Variants in STRBP observed in about 807,000 individuals in gnomAD.
STRBP encodes the protein spermatid perinuclear RNA binding protein.
Under a neutral mutation model 80.1 loss-of-function variants are expected in STRBP, and 13 were observed. That is an observed-to-expected ratio of 0.16 (90% confidence interval 0.11 to 0.26). The LOEUF (loss-of-function observed/expected upper bound fraction) is 0.26. Ranked by LOEUF, STRBP falls within the 10% of genes least tolerant of loss-of-function variation. STRBP has a pLI of 1.00. For missense variants in STRBP, 485 were observed against 815.2 expected (o/e 0.59, Z 4.93); for synonymous variants, 284 against 291.2 (o/e 0.98, Z 0.25).
At chr9:123,169,080 T>G (rs1482297549) in intron 6 of STRBP, among the ~76,000 whole-genome samples, 1 of 152,040 alleles carries the variant, frequency 6.6e-6, no homozygotes, top group Admixed American at 6.6e-5. Context: ...TTACATCCCT[T>G]ACACTATAAA....
intron 1 of STRBP, among the ~76,000 whole-genome samples, chr9:123,241,856 A>G (rs2040702427): frequency 6.6e-6 from 1 of 151,966 alleles, no homozygotes; most frequent in Non-Finnish European, 1.5e-5. Flanking sequence ...GCTTCTCATC[A>G]CCCTCAGAAT....
chr9:123,125,486 A>C lies in STRBP; in HGVS notation c.*111T>G, dbSNP rs553822285. On this transcript the variant is annotated 3_prime_UTR_variant, in exon 19 of 19. Coordinates refer to ENST00000348403, the MANE Select transcript of STRBP (RefSeq NM_018387.5). ...AAAAGTAGGAAAGATGTTCTTTACAAATAATTTTGATCAAGTATGTGTTCA... is the reference window on the plus strand; with the variant it reads ...AAAAGTAGGAAAGATGTTCTTTACACATAATTTTGATCAAGTATGTGTTCA... 1 of 1,322,862 alleles carries C rather than the reference A, an allele frequency of 7.6e-7. No individual in the cohort carries two copies. Among genetic ancestry groups the C allele is most frequent in the East Asian group, 2.8e-5 (1 of 35,896 alleles). The allele number at this position is 1,322,862 out of a possible 1,614,324, so 81.9% of individuals were successfully genotyped here. A position where few individuals can be genotyped will look rare whatever the true frequency, so the allele number is the denominator to read the frequency against.
chr9:123,224,103 A>T (rs1202558159), intron 2 of STRBP, among the ~76,000 whole-genome samples: 1 of 152,230 alleles, frequency 6.6e-6, no homozygotes, highest in Non-Finnish European at 1.5e-5. Flanking sequence ...CACAGTGAAT[A>T]AAAAAGAAAA....
Position 123,236,838 on chromosome 9 carries a change from G to A in STRBP, c.-173C>T, listed in dbSNP as rs72616646. The A allele has an allele frequency of 0.082, 12,490 of 152,066 alleles. 1,627 individuals are homozygous for A. Among genetic ancestry groups the A allele is most frequent in the East Asian group, 0.6 (3,098 of 5,162 alleles). The allele number at this position is 152,066 out of a possible 1,614,324, so 9.4% of individuals were successfully genotyped here. A position where few individuals can be genotyped will look rare whatever the true frequency, so the allele number is the denominator to read the frequency against. On this transcript the variant is annotated 5_prime_UTR_variant, in exon 2 of 19. Coordinates refer to ENST00000348403, the MANE Select transcript of STRBP (RefSeq NM_018387.5). ...TTACTTTATCTACTTACCTTTATAA[G>A]AAGCAACAGTTGAGGCCAGGCACAG...
In STRBP at chr9:123,227,553, CTTTT is replaced by C. The variant is rs372469553; in HGVS notation, c.-165+9273_-165+9276del. ...TGATCTGACATATTTATTGTTTTCT[CTTTT>C]TTTTTTTTTCTTTTTTTTTTTTTTT... On this transcript the variant is annotated intron_variant, in intron 2 of 18. Coordinates refer to ENST00000348403, the MANE Select transcript of STRBP (RefSeq NM_018387.5). Among the ~76,000 whole-genome samples the C allele has an allele frequency of 2.0e-4, 26 of 130,312 alleles. No individual in the cohort carries two copies. In the East Asian group the frequency reaches 4.0e-3, roughly 20 times the overall value. The allele number at this position is 130,312 out of a possible 152,430, so 85.5% of individuals were successfully genotyped here.
intron 2 of STRBP, among the ~76,000 whole-genome samples, chr9:123,204,611 CA>C (rs1295819391): frequency 6.6e-6 from 1 of 152,030 alleles, no homozygotes; most frequent in Non-Finnish European, 1.5e-5. Flanking sequence ...GGTAATGTGC[CA>C]AGAAACAGTT....
At chr9:123,265,526 G>A (rs1346979749) in intron 1 of STRBP, among the ~76,000 whole-genome samples, 1 of 152,172 alleles carries the variant, frequency 6.6e-6, no homozygotes, top group East Asian at 1.9e-4. Flanking sequence ...ATTTTCAACT[G>A]TCAAAAGGGA....
At chr9:123,222,512 A>T (rs1221773425) in intron 2 of STRBP, among the ~76,000 whole-genome samples, 2 of 152,216 alleles carry the variant, frequency 1.3e-5, no homozygotes, top group Admixed American at 6.5e-5. Flanking sequence ...TTTTAAAACC[A>T]TGAGTTCAAC....
intron 2 of STRBP, among the ~76,000 whole-genome samples, chr9:123,200,459 C>A (rs1178450493): frequency 6.6e-6 from 1 of 151,968 alleles, no homozygotes; most frequent in East Asian, 1.9e-4. Context: ...TTCCTTCTCT[C>A]AATCTTTTGG....
intron 11 of STRBP, among the ~76,000 whole-genome samples, chr9:123,155,549 G>C (rs1252975861): frequency 6.6e-6 from 1 of 152,042 alleles, no homozygotes; most frequent in African/African-American, 2.4e-5. Context: ...AAGGACAGAA[G>C]GGAGAACACG....
chr9:123,139,053 C>G (rs1448859911), intron 14 of STRBP, among the ~76,000 whole-genome samples: 1 of 152,186 alleles, frequency 6.6e-6, no homozygotes, highest in Non-Finnish European at 1.5e-5. Context: ...GAGATACATA[C>G]TGTGTCAGGC....
chr9:123,191,119 G>A (rs1026884074), intron 2 of STRBP, among the ~76,000 whole-genome samples: 1 of 152,162 alleles, frequency 6.6e-6, no homozygotes, highest in Non-Finnish European at 1.5e-5. Flanking sequence ...TTAGCAGTAC[G>A]TTAGAAGGTG....
intron 2 of STRBP, among the ~76,000 whole-genome samples, chr9:123,201,047 G>T (rs2039308619): frequency 6.6e-6 from 1 of 152,010 alleles, no homozygotes; most frequent in East Asian, 1.9e-4. Context: ...AGTCTGGAAT[G>T]ATCTTTTGTA....
chr9:123,242,049 C>T (rs942319309), intron 1 of STRBP, among the ~76,000 whole-genome samples: 3 of 152,196 alleles, frequency 2.0e-5, no homozygotes, highest in Non-Finnish European at 4.4e-5. Flanking sequence ...TTCCCTCTGC[C>T]TGGAATAGTC....
At chr9:123,234,857 G>A (rs2040504240) in intron 2 of STRBP, among the ~76,000 whole-genome samples, 1 of 152,044 alleles carries the variant, frequency 6.6e-6, no homozygotes, top group Non-Finnish European at 1.5e-5. Context: ...CTACTTGGGA[G>A]GCCAAGGCAG....
In STRBP at chr9:123,123,898, C is replaced by T. The variant is rs1340769490; in HGVS notation, c.*1699G>A. On this transcript the variant is annotated 3_prime_UTR_variant, in exon 19 of 19. Transcript: ENST00000348403. The stretch of plus-strand genomic sequence containing the variant: ...ATCAATGAAACATGAAAACTCCCAG[C>T]TGAAATGGGCCCTCTTGTTTATGTC... 1.5e-5 allele frequency: 15 copies of T among 985,374 alleles called. No individual in the cohort carries two copies. Among genetic ancestry groups the T allele is most frequent in the Non-Finnish European group, 1.8e-5 (15 of 829,926 alleles). The allele number at this position is 985,374 out of a possible 1,614,324, so 61.0% of individuals were successfully genotyped here. A position where few individuals can be genotyped will look rare whatever the true frequency, so the allele number is the denominator to read the frequency against.
chr9:123,258,004 T>G (rs1354811625), intron 1 of STRBP, among the ~76,000 whole-genome samples: 5 of 151,880 alleles, frequency 3.3e-5, no homozygotes, highest in African/African-American at 1.2e-4. Flanking sequence ...AGGATACTCA[T>G]GAAGAAAAAC....
chr9:123,125,806 G>A (rs992067153), intron 18 of STRBP, 133 bp from the exon 19 acceptor site: 29 of 563,018 alleles, frequency 5.2e-5, no homozygotes, highest in Non-Finnish European at 8.1e-5. Context: ...ATACCATTTT[G>A]CAAGAGGCCC....
At chr9:123,254,246 A>C (rs1218939051) in intron 1 of STRBP, among the ~76,000 whole-genome samples, 2 of 151,894 alleles carry the variant, frequency 1.3e-5, no homozygotes, top group African/African-American at 4.8e-5. Context: ...ACCTCTTGCC[A>C]GTCAGGAGAT....
Sources: allele counts gnomAD v4.1 joint callset (sites outside exome capture counted in the v4.1 genomes callset), GRCh38; gene constraint gnomAD v4.1.1; transcripts MANE v1.5; gene names NCBI Gene and HGNC (gene_info 2026-07-23, HGNC 2026-07-21).